The following RGS3 variants were observed in gnomAD, a reference collection of about 807,000 sequenced individuals.
The protein encoded by RGS3 is regulator of G-protein signalling 3.
RGS3 carries 80 observed loss-of-function variants against 132.6 expected under a neutral mutation model. The observed-to-expected ratio is 0.60, with a 90% CI of 0.50 to 0.73. The LOEUF (loss-of-function observed/expected upper bound fraction) is 0.73. RGS3 is among the 30% of genes least tolerant of loss of function. The pLI is 0.00. For synonymous variants in RGS3, 598 were observed against 620.6 expected (o/e 0.96, Z 0.54); for missense variants, 1,382 against 1,530.8 (o/e 0.90, Z 1.62).
chr9:113,583,524 C>T (rs1588287873), exon 20 of RGS3: 1 of 1,614,186 alleles, frequency 6.2e-7, no homozygotes. Context: ...CCGAGGATTC[C>T]CCACCCAGCA....
chr9:113,582,296 G>T, intron 19 of RGS3: 1 of 771,574 alleles, frequency 1.3e-6, no homozygotes, highest in South Asian at 5.9e-5. Flanking sequence ...GGACATTAAT[G>T]ATTTCTACAA....
At chr9:113,509,720 C>T (rs1009096408) in intron 14 of RGS3, among the ~76,000 whole-genome samples, 3 of 152,050 alleles carry the variant, frequency 2.0e-5, no homozygotes, top group African/African-American at 7.2e-5. Context: ...TGCTGTTCCC[C>T]TCTCAGTGGT....
chr9:113,518,414 C>G (rs1393720442), intron 16 of RGS3, among the ~76,000 whole-genome samples: 2 of 152,212 alleles, frequency 1.3e-5, no homozygotes, highest in Non-Finnish European at 2.9e-5. Context: ...CTGCTGCTGG[C>G]TCACATGTGA....
chr9:113,554,160 C>A (rs1162800066), intron 19 of RGS3, among the ~76,000 whole-genome samples: 1 of 152,198 alleles, frequency 6.6e-6, no homozygotes, highest in Non-Finnish European at 1.5e-5. Flanking sequence ...AATTTGCATT[C>A]CTACTCACAG....
chr9:113,584,079 G>A (rs771376630), exon 20 of RGS3: 1 of 1,614,198 alleles, frequency 6.2e-7, no homozygotes. Flanking sequence ...AGGAGGTGGA[G>A]GAGGGGGAGG....
chr9:113,524,661 T>C (rs551995042), intron 17 of RGS3, among the ~76,000 whole-genome samples: 4 of 152,278 alleles, frequency 2.6e-5, no homozygotes, highest in Non-Finnish European at 1.5e-5. Context: ...GCTGGCCCTT[T>C]CCCTTTGCCT....
At chr9:113,505,523 G>T in exon 11 of RGS3, 1 of 1,613,792 alleles carries the variant, frequency 6.2e-7, no homozygotes, top group East Asian at 2.2e-5. Flanking sequence ...CGTGGATTCC[G>T]GTAAGTTATT....
At chr9:113,536,973 C>T in intron 19 of RGS3, 55 bp downstream of exon 17, 1 of 1,564,650 alleles carries the variant, frequency 6.4e-7, no homozygotes, top group Non-Finnish European at 8.8e-7. Flanking sequence ...CTCAGCCAGC[C>T]TAGACCCTTG....
intron 19 of RGS3, among the ~76,000 whole-genome samples, chr9:113,562,135 A>G (rs983389482): frequency 6.6e-6 from 1 of 152,172 alleles, no homozygotes; most frequent in African/African-American, 2.4e-5. Flanking sequence ...GTGTGACCTT[A>G]GTCTCTCTAT....
intron 10 of RGS3, among the ~76,000 whole-genome samples, chr9:113,499,226 CAAA>C (rs57507668): frequency 1.5e-3 from 90 of 60,690 alleles, no homozygotes; most frequent in South Asian, 2.4e-3. Context: ...GATTCCATCT[CAAA>C]AAAAAAAAAA....
intron 19 of RGS3, among the ~76,000 whole-genome samples, chr9:113,569,108 C>T (rs1219650846): frequency 4.6e-5 from 7 of 152,232 alleles, no homozygotes; most frequent in African/African-American, 1.4e-4. Flanking sequence ...CACCTGGTAC[C>T]GTGGCTCAGG....
chr9:113,574,674 A>G (rs1056048476), intron 19 of RGS3, among the ~76,000 whole-genome samples: 9 of 152,224 alleles, frequency 5.9e-5, no homozygotes, highest in African/African-American at 1.9e-4. Context: ...TCCGAGGCAG[A>G]TTGAACCAGT....
At chr9:113,464,229 A>G (rs1191640331) in intron 3 of RGS3, among the ~76,000 whole-genome samples, 1 of 152,246 alleles carries the variant, frequency 6.6e-6, no homozygotes, top group Non-Finnish European at 1.5e-5. Flanking sequence ...AGGTCTTGTT[A>G]TAGCAACTGG....
chr9:113,552,541 A>G (rs1247498052), intron 19 of RGS3, among the ~76,000 whole-genome samples: 1 of 152,150 alleles, frequency 6.6e-6, no homozygotes, highest in African/African-American at 2.4e-5. Flanking sequence ...GATGGTCTCC[A>G]TCTCCTGACC....
At chr9:113,490,818 T>TA (rs1456637581) in intron 7 of RGS3, among the ~76,000 whole-genome samples, 2 of 134,718 alleles carry the variant, frequency 1.5e-5, no homozygotes, top group African/African-American at 5.7e-5. Flanking sequence ...TATATAACAA[T>TA]TATAATTATA....
rs777075095 is a variant in RGS3 at position 113,591,515 on chromosome 9, C to T, written c.3080+118C>T. On this transcript the variant is annotated intron_variant, in intron 21 of 24. Transcript: ENST00000350696. This position sits in a 1 kb window ranked among gnomAD's most constrained non-coding sequence, Gnocchi z 4.4. ...TTGTGCCTGGTCCCGCCCACAACCC[C>T]AGACAGACACCAAGGAAAAACTGGA... The T allele has an allele frequency of 1.9e-5, 16 of 862,518 alleles. No homozygotes were observed. The African/African-American group carries it at 2.3e-4, about 13-fold the overall frequency. 53.4% of individuals were successfully genotyped at this position (862,518 alleles called of 1,614,324 possible).
At chr9:113,464,359 G>T (rs1829558861) in intron 3 of RGS3, among the ~76,000 whole-genome samples, 1 of 152,226 alleles carries the variant, frequency 6.6e-6, no homozygotes. Flanking sequence ...CCACAGTGGA[G>T]ATGGGAGAAT....
chr9:113,566,653 C>T (rs1391318649), intron 19 of RGS3, among the ~76,000 whole-genome samples: 2 of 152,200 alleles, frequency 1.3e-5, no homozygotes, highest in African/African-American at 4.8e-5. Flanking sequence ...TATTATAATT[C>T]AGCTTCAAAT....
intron 19 of RGS3, chr9:113,581,520 T>C (rs1426368786): frequency 2.6e-5 from 4 of 152,260 alleles, no homozygotes; most frequent in African/African-American, 9.6e-5. Flanking sequence ...AGATCAATGC[T>C]TTTTAAAGCA....
Sources: allele counts gnomAD v4.1 joint callset (sites outside exome capture counted in the v4.1 genomes callset), GRCh38; gene constraint gnomAD v4.1.1; non-coding constraint Gnocchi (gnomAD v3.1); transcripts MANE v1.5; gene names NCBI Gene and HGNC (gene_info 2026-07-23, HGNC 2026-07-21).